The following FBXW7 variants were observed in gnomAD, a reference collection of about 807,000 sequenced individuals.
FBXW7 encodes the protein F-box/WD repeat-containing protein 7.
Under a neutral mutation model 86.3 loss-of-function variants are expected in FBXW7, and 11 were observed. That is an observed-to-expected ratio of 0.13 (90% CI 0.08 to 0.21). The LOEUF is 0.21. FBXW7 is among the 10% of genes least tolerant of loss of function. The pLI is 1.00. For synonymous variants in FBXW7, 313 were observed against 297.9 expected (o/e 1.05, Z -0.52); for missense variants, 488 against 847.4 (o/e 0.58, Z 5.27).
chr4:152,528,888 A>C (rs1360530999), intron 2 of FBXW7, among the ~76,000 whole-genome samples: 2 of 152,210 alleles, frequency 1.3e-5, no homozygotes, highest in Admixed American at 1.3e-4. Flanking sequence ...GCAGTCATGC[A>C]GAAATGAACA....
At chr4:152,358,399 G>A (rs979144765) in intron 4 of FBXW7, among the ~76,000 whole-genome samples, 3 of 151,862 alleles carry the variant, frequency 2.0e-5, no homozygotes, top group Non-Finnish European at 4.4e-5. Context: ...TTTCCCATAG[G>A]TGTGATATAT....
At position 152,323,161 on chromosome 4, in the gene FBXW7, C is replaced by T. The variant is rs375535587; in HGVS notation, c.1856-12G>A. On this transcript the variant is annotated splice_polypyrimidine_tract_variant and intron_variant, in intron 13 of 13. Coordinates refer to ENST00000281708, the MANE Select transcript of FBXW7 (RefSeq NM_001349798.2). ...ATGCTTGTTGGGACCTAGACAAAAA[C>T]CAAAAGAATTTAATTACTGGTTAGA... 1.2e-6 allele frequency: 2 copies of T among 1,608,524 alleles called. No individual in the cohort carries two copies. Among genetic ancestry groups the T allele is most frequent in the South Asian group, 1.1e-5 (1 of 90,912 alleles).
At chr4:152,512,009 A>G (rs1748027237) in intron 2 of FBXW7, among the ~76,000 whole-genome samples, 3 of 152,194 alleles carry the variant, frequency 2.0e-5, no homozygotes, top group Non-Finnish European at 4.4e-5. Flanking sequence ...AATGATTTGA[A>G]TGAGTTCCTA....
chr4:152,434,224 C>G (rs1334562346), intron 2 of FBXW7, among the ~76,000 whole-genome samples: 1 of 152,134 alleles, frequency 6.6e-6, no homozygotes, highest in Non-Finnish European at 1.5e-5. Context: ...GTTTCACTTC[C>G]TGAATGTGGA....
At chr4:152,520,988 T>C (rs1341925342) in intron 2 of FBXW7, among the ~76,000 whole-genome samples, 1 of 152,138 alleles carries the variant, frequency 6.6e-6, no homozygotes, top group African/African-American at 2.4e-5. Context: ...GAAACAAAGG[T>C]GACAAGATAA....
intron 2 of FBXW7, among the ~76,000 whole-genome samples, chr4:152,530,102 C>CGT (rs1561006449): frequency 2.9e-5 from 4 of 138,426 alleles, no homozygotes; most frequent in African/African-American, 1.1e-4. Context: ...CACACACACA[C>CGT]GTGTATATAT....
chr4:152,504,058 T>C (rs1215161577), intron 2 of FBXW7, among the ~76,000 whole-genome samples: 1 of 152,230 alleles, frequency 6.6e-6, no homozygotes, highest in Non-Finnish European at 1.5e-5. Context: ...TAGAAAGAGA[T>C]GCTTTTCACT....
intron 2 of FBXW7, among the ~76,000 whole-genome samples, chr4:152,520,230 G>T (rs545353700): frequency 1.1e-4 from 16 of 151,518 alleles, no homozygotes; most frequent in Non-Finnish European, 1.9e-4. Flanking sequence ...TCAGGAGATC[G>T]AGACCATCCT....
At chr4:152,382,189 C>T in intron 4 of FBXW7, 1 of 1,546,598 alleles carries the variant, frequency 6.5e-7, no homozygotes, top group Non-Finnish European at 8.7e-7. Flanking sequence ...TGAGACTTAC[C>T]CGTCTTCGAC....
At chr4:152,416,255 G>A (rs775122876) in intron 2 of FBXW7, among the ~76,000 whole-genome samples, 1 of 152,058 alleles carries the variant, frequency 6.6e-6, no homozygotes, top group Non-Finnish European at 1.5e-5. Context: ...AAAGAACTTC[G>A]AGCCAGGTCA....
chr4:152,399,002 T>C (rs531287970), intron 4 of FBXW7, among the ~76,000 whole-genome samples: 1 of 152,272 alleles, frequency 6.6e-6, no homozygotes, highest in East Asian at 1.9e-4. Context: ...ACTGTTTATA[T>C]ATTGGGGTTT....
At chr4:152,520,045 AATGATC>A (rs957190191) in intron 2 of FBXW7, among the ~76,000 whole-genome samples, 1 of 152,240 alleles carries the variant, frequency 6.6e-6, no homozygotes, top group East Asian at 1.9e-4. Flanking sequence ...TGGTAATAAT[AATGATC>A]ATGAATTACA....
intron 4 of FBXW7, among the ~76,000 whole-genome samples, chr4:152,380,520 C>A (rs1470548841): frequency 2.6e-5 from 4 of 151,600 alleles, no homozygotes; most frequent in Non-Finnish European, 5.9e-5. Flanking sequence ...TCTGCTATTA[C>A]AACTGCAAGG....
chr4:152,421,478 G>A (rs1738933191), intron 2 of FBXW7, among the ~76,000 whole-genome samples: 1 of 152,142 alleles, frequency 6.6e-6, no homozygotes, highest in Non-Finnish European at 1.5e-5. Flanking sequence ...TGGGAGGACT[G>A]CTTGAGGTCA....
intron 2 of FBXW7, among the ~76,000 whole-genome samples, chr4:152,431,889 TAAAATGATTGTGAGGC>T (rs768470636): frequency 2.6e-5 from 4 of 152,198 alleles, no homozygotes; most frequent in Non-Finnish European, 5.9e-5. Flanking sequence ...AACCCTCTTC[TAAAATGATTGTGAGGC>T]AGAGTGGAGT....
At chr4:152,384,119 T>G (rs182204023) in intron 4 of FBXW7, among the ~76,000 whole-genome samples, 4 of 152,120 alleles carry the variant, frequency 2.6e-5, no homozygotes, top group Non-Finnish European at 4.4e-5. Flanking sequence ...GAAAATAGTA[T>G]GGCAGTTCCT....
intron 2 of FBXW7, among the ~76,000 whole-genome samples, chr4:152,452,463 T>C (rs79621421): frequency 0.014 from 2,086 of 152,356 alleles, 26 homozygotes; most frequent in Middle Eastern, 0.038. Context: ...TTTTCACTGT[T>C]ATTTTTAAAA....
chr4:152,440,567 T>C (rs1191893320), intron 2 of FBXW7, among the ~76,000 whole-genome samples: 1 of 152,204 alleles, frequency 6.6e-6, no homozygotes, highest in East Asian at 1.9e-4. Flanking sequence ...TGAAATTTTG[T>C]TTTACATCAA....
chr4:152,419,494 A>AAAAC (rs370794631), intron 2 of FBXW7, among the ~76,000 whole-genome samples: 8,893 of 123,244 alleles, frequency 0.072, 374 homozygotes, highest in Non-Finnish European at 0.11. Flanking sequence ...GGATAAGGTA[A>AAAAC]ACACACACAC....
Sources: gnomAD v4.1 joint callset for allele counts (sites outside exome capture counted in the v4.1 genomes callset) on GRCh38, gnomAD v4.1.1 for gene constraint, MANE v1.5 for transcripts, NCBI Gene and HGNC (gene_info 2026-07-23, HGNC 2026-07-21) for gene names.